COL13A1: variants seen among roughly 807,000 people sequenced by gnomAD.
COL13A1 encodes collagen alpha-1(XIII) chain.
Under a neutral mutation model 130.9 loss-of-function variants are expected in COL13A1, and 89 were observed. The ratio of observed to expected loss-of-function variants is 0.68; its 90% CI spans 0.57 to 0.81. The LOEUF (loss-of-function observed/expected upper bound fraction) is 0.81, where lower values mean the gene tolerates loss of function less well. COL13A1 is among the 30% of genes least tolerant of loss of function. COL13A1 has a pLI of 0.00. For synonymous variants in COL13A1, 402 were observed against 341.6 expected, an observed-to-expected ratio of 1.18 and a Z score of -1.95; for missense variants, 879 against 934.6, an observed-to-expected ratio of 0.94 and a Z score of 0.78.
intron 39 of COL13A1, chr10:69,955,884 G>T (rs1019292026): frequency 6.6e-6 from 1 of 152,196 alleles, no homozygotes; most frequent in Non-Finnish European, 1.5e-5. Context: ...TTGAGGGGCA[G>T]GGGTAGCTAT....
At chr10:69,933,334 A>G (rs1235597693) in intron 31 of COL13A1, among the ~76,000 whole-genome samples, 1 of 152,076 alleles carries the variant, frequency 6.6e-6, no homozygotes, top group East Asian at 1.9e-4. Context: ...AGATAGAGGC[A>G]TTATTCTTTT....
At chr10:69,943,378 G>T (rs2067945242) in intron 35 of COL13A1, among the ~76,000 whole-genome samples, 1 of 152,170 alleles carries the variant, frequency 6.6e-6, no homozygotes, top group Non-Finnish European at 1.5e-5. Context: ...CTAGAGACTT[G>T]GTCTGGCCAG....
At chr10:69,953,638 T>C (rs1217726991) in intron 39 of COL13A1, among the ~76,000 whole-genome samples, 1 of 152,222 alleles carries the variant, frequency 6.6e-6, no homozygotes, top group Non-Finnish European at 1.5e-5. Flanking sequence ...TTGAATCCAT[T>C]TGAAGGTTCT....
At chr10:69,893,187 C>T (rs2061347576) in intron 10 of COL13A1, among the ~76,000 whole-genome samples, 1 of 152,126 alleles carries the variant, frequency 6.6e-6, no homozygotes, top group African/African-American at 2.4e-5. Context: ...CCTGTCTCTA[C>T]AAAAAAATGC....
chr10:69,863,685 C>G (rs1858909696), intron 2 of COL13A1, among the ~76,000 whole-genome samples: 1 of 152,118 alleles, frequency 6.6e-6, no homozygotes, highest in South Asian at 2.1e-4. Flanking sequence ...CCCTTCCACC[C>G]CTGAGAACTT....
chr10:69,937,814 T>TGAG (rs1425479325), intron 34 of COL13A1, 99 bp downstream of exon 34: 1 of 659,616 alleles, frequency 1.5e-6, no homozygotes, highest in African/African-American at 1.8e-5. Flanking sequence ...TTCTAGAGTC[T>TGAG]GAGCATCCAG....
At chr10:69,895,730 G>T (rs2061568995) in intron 13 of COL13A1, among the ~76,000 whole-genome samples, 154 bp downstream of exon 13, 1 of 152,204 alleles carries the variant, frequency 6.6e-6, no homozygotes, top group South Asian at 2.1e-4. Context: ...TCAGAGAGGG[G>T]AGCTTGGGAT....
chr10:69,857,103 C>T (rs1291231021), intron 2 of COL13A1, among the ~76,000 whole-genome samples: 1 of 152,148 alleles, frequency 6.6e-6, no homozygotes, highest in African/African-American at 2.4e-5. Context: ...CAGTGCCTGC[C>T]CTTGGCCTGA....
intron 1 of COL13A1, among the ~76,000 whole-genome samples, chr10:69,815,367 C>A (rs1844193947): frequency 6.6e-6 from 1 of 152,204 alleles, no homozygotes; most frequent in South Asian, 2.1e-4. Flanking sequence ...CTGATACAGG[C>A]ATTTTAATAG....
intron 30 of COL13A1, 147 bp downstream of exon 30, chr10:69,930,699 G>A: frequency 1.1e-6 from 1 of 915,568 alleles, no homozygotes; most frequent in Non-Finnish European, 1.6e-6. Context: ...GATTCACTCA[G>A]CTTCCCCTCA....
intron 2 of COL13A1, among the ~76,000 whole-genome samples, chr10:69,830,117 T>C (rs770040754): frequency 6.6e-6 from 1 of 152,226 alleles, no homozygotes; most frequent in Non-Finnish European, 1.5e-5. Flanking sequence ...CTCTCCTCTC[T>C]CTGGGCTTTG....
chr10:69,851,647 TTTTG>T (rs558012155), intron 2 of COL13A1, among the ~76,000 whole-genome samples: 105 of 152,138 alleles, frequency 6.9e-4, no homozygotes, highest in African/African-American at 2.3e-3. Flanking sequence ...TGGTTTTTTG[TTTTG>T]TTTGTTTTGT....
intron 2 of COL13A1, among the ~76,000 whole-genome samples, chr10:69,823,755 C>T (rs951280191): frequency 6.6e-6 from 1 of 152,076 alleles, no homozygotes; most frequent in South Asian, 2.1e-4. Context: ...GAGGGTCGTC[C>T]GGGTTAATTA....
At chr10:69,943,171 T>C (rs2067913689) in intron 35 of COL13A1, among the ~76,000 whole-genome samples, 1 of 152,162 alleles carries the variant, frequency 6.6e-6, no homozygotes, top group East Asian at 1.9e-4. Flanking sequence ...TGCTGTGCTA[T>C]TATGGATGCC....
intron 13 of COL13A1, 111 bp from the exon 14 acceptor site, chr10:69,898,586 G>A (rs1185957055): frequency 1.3e-6 from 1 of 784,046 alleles, no homozygotes; most frequent in African/African-American, 1.7e-5. Flanking sequence ...CTCTTCCTCT[G>A]CTCCGGTCCC....
intron 27 of COL13A1, among the ~76,000 whole-genome samples, chr10:69,927,939 C>A (rs538824446): frequency 3.3e-5 from 5 of 152,312 alleles, no homozygotes; most frequent in African/African-American, 4.8e-5. Context: ...GTGGGCAGAT[C>A]GCTTGAGGTC....
intron 32 of COL13A1, among the ~76,000 whole-genome samples, chr10:69,935,742 C>T (rs934286464): frequency 4.6e-5 from 7 of 152,178 alleles, no homozygotes; most frequent in Non-Finnish European, 1.0e-4. Context: ...CAGTGGCTCA[C>T]GCCCGTGATA....
intron 19 of COL13A1, 89 bp from the exon 20 acceptor site, chr10:69,918,973 G>GC: frequency 2.0e-6 from 3 of 1,506,362 alleles, no homozygotes; most frequent in Non-Finnish European, 2.8e-6. Context: ...CACCCTGACT[G>GC]CCCCCAACCC....
intron 2 of COL13A1, among the ~76,000 whole-genome samples, chr10:69,824,923 G>A (rs975853255): frequency 2.0e-5 from 3 of 152,216 alleles, no homozygotes; most frequent in African/African-American, 7.2e-5. Context: ...GGACTGGAAT[G>A]GCCACACGGA....
Sources: gnomAD v4.1 joint callset for allele counts (sites outside exome capture counted in the v4.1 genomes callset) on GRCh38, gnomAD v4.1.1 for gene constraint, MANE v1.5 for transcripts, NCBI Gene and HGNC (gene_info 2026-07-23, HGNC 2026-07-21) for gene names.